The following AGO2 variants were observed in gnomAD, a reference collection of about 807,000 sequenced individuals.
AGO2 encodes the protein protein argonaute-2.
AGO2 carries 5 observed loss-of-function variants against 102.3 expected under a neutral mutation model. The ratio of observed to expected loss-of-function variants is 0.05; its 90% CI spans 0.03 to 0.10. AGO2 has a LOEUF of 0.10. AGO2 is among the 10% of genes least tolerant of loss of function. The pLI, the probability that AGO2 is intolerant of heterozygous loss-of-function variation, is 1.00. For synonymous variants in AGO2, 449 were observed against 473.1 expected (o/e 0.95, Z 0.66); for missense variants, 541 against 1,183.7 (o/e 0.46, Z 7.97).
intron 10 of AGO2, among the ~76,000 whole-genome samples, chr8:140,553,790 C>T (rs1463828057): frequency 6.6e-6 from 1 of 152,120 alleles, no homozygotes; most frequent in Non-Finnish European, 1.5e-5. Flanking sequence ...CCTCTGCCTC[C>T]CAGGTTCAAG....
rs1310613707 is a variant in AGO2, at chr8:140,528,838, TCA to T, written c.*3204_*3205del. On this transcript the variant is annotated 3_prime_UTR_variant, in exon 19 of 19. Transcript: ENST00000220592. The surrounding 1 kb of genome is among the most constrained non-coding windows in gnomAD (Gnocchi z 4.5). ...CGGTGGCTTTGCGTCACCGAAGGGCTCACACACGAGGGCAGCTTTCCACCGCT... is the reference window on the plus strand; with the variant it reads ...CGGTGGCTTTGCGTCACCGAAGGGCTCACACGAGGGCAGCTTTCCACCGCT... 2 of 152,174 alleles carry T rather than the reference TCA, an allele frequency of 1.3e-5. No homozygotes were observed. The highest frequency in any genetic ancestry group is 3.8e-4 in the East Asian group (2 of 5,196). 9.4% of individuals were successfully genotyped at this position (152,174 alleles called of 1,614,324 possible).
chr8:140,544,513 G>A (rs1337258976), intron 13 of AGO2, among the ~76,000 whole-genome samples: 1 of 152,224 alleles, frequency 6.6e-6, no homozygotes, highest in South Asian at 2.1e-4. Flanking sequence ...GGGTTGGGGG[G>A]CTTGGGTGGA....
At chr8:140,633,690 G>C (rs1204182749) in intron 1 of AGO2, among the ~76,000 whole-genome samples, 1 of 152,190 alleles carries the variant, frequency 6.6e-6, no homozygotes, top group East Asian at 1.9e-4. Context: ...CTGTGGGTCT[G>C]GGTTATAGGG....
chr8:140,587,559 G>A lies in AGO2; in HGVS notation c.23-2248C>T, dbSNP rs557612630. On this transcript the variant is annotated intron_variant, in intron 1 of 18. Transcript: ENST00000220592. ...CAAGCTGGAGGATCAAAGCCAAAGC[G>A]TGCAAGAGGAGACAGAGCAGAAGTG... is the stretch of plus-strand genomic sequence containing the variant. 4.6e-5 allele frequency among the ~76,000 whole-genome samples: 7 copies of A among 152,316 alleles called. No individual in the cohort carries two copies. In the South Asian group the frequency reaches 6.2e-4, roughly 14 times the overall value.
chr8:140,619,477 G>C (rs1170846702), intron 1 of AGO2, among the ~76,000 whole-genome samples: 1 of 152,214 alleles, frequency 6.6e-6, no homozygotes, highest in African/African-American at 2.4e-5. Flanking sequence ...AGAGAAGGGA[G>C]CAGGGAAAAC....
intron 3 of AGO2, chr8:140,572,081 T>G (rs1165939301): frequency 6.6e-6 from 1 of 152,324 alleles, no homozygotes; most frequent in South Asian, 2.1e-4. Context: ...TACTTACGAA[T>G]AACACCCGTA....
At chr8:140,544,717 C>T (rs891045849) in intron 13 of AGO2, among the ~76,000 whole-genome samples, 15 of 152,224 alleles carry the variant, frequency 9.9e-5, no homozygotes, top group African/African-American at 3.4e-4. Flanking sequence ...GGGCTGTCCC[C>T]AGCATGGGCA....
chr8:140,606,654 T>C (rs2074001996), intron 1 of AGO2, among the ~76,000 whole-genome samples: 1 of 152,128 alleles, frequency 6.6e-6, no homozygotes, highest in Non-Finnish European at 1.5e-5. Flanking sequence ...ATTCTATAAT[T>C]GGCTGGGCGC....
chr8:140,613,004 C>T (rs950720317), intron 1 of AGO2, among the ~76,000 whole-genome samples: 8 of 152,020 alleles, frequency 5.3e-5, no homozygotes, highest in African/African-American at 1.7e-4. Flanking sequence ...TCGACACCAT[C>T]CTGGCTAACA....
At position 140,557,953 on chromosome 8, in the gene AGO2, A is replaced by T. The variant is rs546446109; in HGVS notation, c.878+532T>A. On this transcript the variant is annotated intron_variant, in intron 7 of 18. Transcript: ENST00000220592. The surrounding 1 kb of genome is among the most constrained non-coding windows in gnomAD (Gnocchi z 5.9). ...CAGGCCTGGCACTTTCCATGGAATG[A>T]TCCATGAAATAAACGAACCCTACCG... Among the ~76,000 whole-genome samples, 3 of 152,292 alleles carry T rather than the reference A, an allele frequency of 2.0e-5. No individual in the cohort carries two copies. Among genetic ancestry groups the T allele is most frequent in the South Asian group, 4.1e-4 (2 of 4,824 alleles).
intron 1 of AGO2, among the ~76,000 whole-genome samples, chr8:140,615,800 C>T (rs1213589267): frequency 6.6e-6 from 1 of 152,246 alleles, no homozygotes; most frequent in Non-Finnish European, 1.5e-5. Context: ...GAATTAAACA[C>T]ACTATTGAGT....
intron 3 of AGO2, among the ~76,000 whole-genome samples, chr8:140,566,620 G>A (rs897930722): frequency 3.8e-4 from 56 of 146,766 alleles, no homozygotes; most frequent in Admixed American, 6.7e-4. Flanking sequence ...TTTTTTTTTG[G>A]GGGGGGGGAA....
chr8:140,542,050 T>A (rs909357193), intron 14 of AGO2, among the ~76,000 whole-genome samples: 2 of 152,048 alleles, frequency 1.3e-5, no homozygotes, highest in Non-Finnish European at 2.9e-5. Context: ...ATCAACAGCA[T>A]CCCCGAAGGC....
chr8:140,538,945 A>T (rs2072744019), intron 16 of AGO2, among the ~76,000 whole-genome samples: 1 of 150,846 alleles, frequency 6.6e-6, no homozygotes, highest in African/African-American at 2.4e-5. Flanking sequence ...TACAAAAAAT[A>T]AAAAAAAAAT....
chr8:140,569,368 G>A (rs571702384), intron 3 of AGO2, among the ~76,000 whole-genome samples: 3 of 152,202 alleles, frequency 2.0e-5, no homozygotes, highest in African/African-American at 7.2e-5. Flanking sequence ...CAACCCAGAC[G>A]CTCAATTTGA....
At chr8:140,565,059 G>A (rs975785061) in intron 3 of AGO2, among the ~76,000 whole-genome samples, 2 of 151,870 alleles carry the variant, frequency 1.3e-5, no homozygotes, top group Admixed American at 1.3e-4. Flanking sequence ...GCTTAAACCT[G>A]GGAGGCAGAG....
At chr8:140,535,447 G>A (rs2977465) in intron 17 of AGO2, 21 bp downstream of exon 17, 27 of 1,610,906 alleles carry the variant, frequency 1.7e-5, no homozygotes, top group Middle Eastern at 3.3e-4. Context: ...GACTCTGTCC[G>A]AAGGGGACTC....
Position 140,531,422 on chromosome 8 carries a change from C to T in AGO2, c.*622G>A, listed in dbSNP as rs1222571280. On this transcript the variant is annotated 3_prime_UTR_variant, in exon 19 of 19. Transcript: ENST00000220592. ...AAATGCTGTAAACACACGGGGCCCA[C>T]CTTCTGCCACTGCTCCTTAGTTCAG... is the stretch of plus-strand genomic sequence containing the variant. 1 of 152,698 alleles carries T rather than the reference C, an allele frequency of 6.5e-6. No homozygotes were observed. Among genetic ancestry groups the T allele is most frequent in the East Asian group, 1.9e-4 (1 of 5,204 alleles). 9.5% of individuals were successfully genotyped at this position (152,698 alleles called of 1,614,324 possible). A position where few individuals can be genotyped will look rare whatever the true frequency, so the allele number is the denominator to read the frequency against.
intron 13 of AGO2, among the ~76,000 whole-genome samples, chr8:140,544,803 T>A (rs2132888893): frequency 6.6e-6 from 1 of 152,308 alleles, no homozygotes; most frequent in East Asian, 1.9e-4. Context: ...TCTCCAGACA[T>A]GACCACGCGT....
Sources: allele counts gnomAD v4.1 joint callset (sites outside exome capture counted in the v4.1 genomes callset), GRCh38; gene constraint gnomAD v4.1.1; non-coding constraint Gnocchi (gnomAD v3.1); transcripts MANE v1.5; gene names NCBI Gene and HGNC (gene_info 2026-07-23, HGNC 2026-07-21).